SNX31: variants seen among roughly 807,000 people sequenced by gnomAD.
The protein encoded by SNX31 is sorting nexin 31.
Under a neutral mutation model 65.4 loss-of-function variants are expected in SNX31, and 58 were observed. The observed-to-expected ratio is 0.89, with a 90% CI of 0.72 to 1.10. SNX31 has a LOEUF of 1.10. Ranked by LOEUF, SNX31 falls within the 50% of genes least tolerant of loss-of-function variation. The pLI, the probability that SNX31 is intolerant of heterozygous loss-of-function variation, is 0.00. For synonymous variants in SNX31, 181 were observed against 190.1 expected (o/e 0.95, Z 0.39); for missense variants, 523 against 529.7 (o/e 0.99, Z 0.12).
intron 5 of SNX31, among the ~76,000 whole-genome samples, chr8:100,615,268 A>G (rs543713744): frequency 1.4e-4 from 22 of 152,342 alleles, no homozygotes; most frequent in African/African-American, 5.3e-4. Flanking sequence ...ATTAGTTTCA[A>G]GGGAAATGGA....
intron 2 of SNX31, among the ~76,000 whole-genome samples, chr8:100,636,432 C>T (rs1480766213): frequency 6.6e-6 from 1 of 152,172 alleles, no homozygotes; most frequent in Non-Finnish European, 1.5e-5. Context: ...AGCTGTGTCA[C>T]CTAAAGCGGT....
In SNX31 at chr8:100,649,574, C is replaced by G; in HGVS notation, c.-60G>C. 6.7e-7 allele frequency: 1 copy of G among 1,481,820 alleles called. No homozygotes were observed. The highest frequency in any genetic ancestry group is 9.2e-7 in the Non-Finnish European group (1 of 1,088,832). 91.8% of individuals were successfully genotyped at this position (1,481,820 alleles called of 1,614,324 possible). ...CCGACCTGCGGCGGCGGGCGGTGCG[C>G]GGCTCTGAACTCGGCAGCGGTGGAC... On this transcript the variant is annotated 5_prime_UTR_variant, in exon 1 of 14. Coordinates refer to ENST00000311812, the MANE Select transcript of SNX31 (RefSeq NM_152628.4).
intron 2 of SNX31, among the ~76,000 whole-genome samples, chr8:100,641,845 G>A (rs1282862182): frequency 1.4e-4 from 21 of 150,366 alleles, no homozygotes; most frequent in African/African-American, 4.9e-4. Context: ...TTGGGAGGCC[G>A]AGGCGGGCGG....
rs1339391516 is a variant in SNX31, at chr8:100,612,095, A to G, written c.524-8T>C. On this transcript the variant is annotated splice_polypyrimidine_tract_variant and splice_region_variant and intron_variant, in intron 6 of 13. Transcript: ENST00000311812. The surrounding 1 kb of genome is among the most constrained non-coding windows in gnomAD (Gnocchi z 4.3). ...CAGCCAATTTTTTCACAACTAGAGAAAGGAGAAAGCCGGTCTTACTGGTTG... is the reference window on the plus strand; with the variant it reads ...CAGCCAATTTTTTCACAACTAGAGAGAGGAGAAAGCCGGTCTTACTGGTTG... 1.2e-6 allele frequency: 2 copies of G among 1,606,604 alleles called. No individual in the cohort carries two copies. Among genetic ancestry groups the G allele is most frequent in the Non-Finnish European group, 1.7e-6 (2 of 1,173,180 alleles).
chr8:100,643,262 G>A (rs574513496), intron 2 of SNX31, among the ~76,000 whole-genome samples: 2 of 152,066 alleles, frequency 1.3e-5, no homozygotes, highest in Non-Finnish European at 2.9e-5. Context: ...CTACCCCTTC[G>A]TACAGCTCTG....
chr8:100,615,516 G>A (rs1320339113), intron 5 of SNX31, among the ~76,000 whole-genome samples: 1 of 152,188 alleles, frequency 6.6e-6, no homozygotes, highest in Non-Finnish European at 1.5e-5. Context: ...TTTGCTTAAT[G>A]ACAGGAATAC....
At chr8:100,662,161 ACTCTTCTG>A (rs1809798876) in intron 1 of SNX31, among the ~76,000 whole-genome samples, 1 of 152,028 alleles carries the variant, frequency 6.6e-6, no homozygotes, top group South Asian at 2.1e-4. Flanking sequence ...TGTAGTAGGT[ACTCTTCTG>A]CTCCTCCCTT....
chr8:100,653,553 G>A (rs954813497), upstream of SNX31, among the ~76,000 whole-genome samples: 5 of 152,196 alleles, frequency 3.3e-5, no homozygotes, highest in African/African-American at 1.2e-4. Context: ...GCCAAGAAGC[G>A]CCTCAGGCCA....
intron 1 of SNX31, chr8:100,657,755 G>A (rs941877808): frequency 2.2e-6 from 1 of 454,566 alleles, no homozygotes; most frequent in African/African-American, 2.0e-5. Flanking sequence ...AGAATGAAGT[G>A]GACTACTTGG....
At chr8:100,606,533 T>C (rs758827093) in intron 8 of SNX31, among the ~76,000 whole-genome samples, 1 of 152,220 alleles carries the variant, frequency 6.6e-6, no homozygotes, top group Non-Finnish European at 1.5e-5. Context: ...TTCCCTCTTC[T>C]ACGCCCTCTG....
rs1369896052 is a variant in SNX31 at position 100,576,487 on chromosome 8, C to T, written c.1227+532G>A. ...ACAAAACCTCTCTGTGCACTAATTT[C>T]CTCAACTTATTTATAGGGCTGTGAA... On this transcript the variant is annotated intron_variant, in intron 13 of 13. Coordinates refer to ENST00000311812, the MANE Select transcript of SNX31 (RefSeq NM_152628.4). The surrounding 1 kb of genome is among the most constrained non-coding windows in gnomAD (Gnocchi z 4.8). 1.3e-5 allele frequency among the ~76,000 whole-genome samples: 2 copies of T among 152,156 alleles called. No individual in the cohort carries two copies. Among genetic ancestry groups the T allele is most frequent in the Non-Finnish European group, 2.9e-5 (2 of 68,028 alleles).
In SNX31 at chr8:100,584,118, G is replaced by A. The variant is rs769631064; in HGVS notation, c.1163C>T (p.Thr388Ile). ...ACAGATAAGAGCACTCACCATTTCT[G>A]TATTCTCAGCAGCTAGCTTTACCAT... ...EKMVKLAAEN[T>I]EMQIEVPEQS... The change falls in exon 12 of 14, where the codon ACA becomes ATA. Residue 388 changes from threonine (T) to isoleucine (I), a missense_variant. By Grantham distance (89) the Thr-to-Ile change is moderately conservative (BLOSUM62 -1). Coordinates refer to ENST00000311812, the MANE Select transcript of SNX31 (RefSeq NM_152628.4). 1 of 1,604,128 alleles carries A rather than the reference G, an allele frequency of 6.2e-7. No individual in the cohort carries two copies. The highest frequency in any genetic ancestry group is 8.5e-7 in the Non-Finnish European group (1 of 1,176,306).
At position 100,647,984 on chromosome 8, in the gene SNX31, C is replaced by A. The variant is rs115505122; in HGVS notation, c.141+1290G>T. On this transcript the variant is annotated intron_variant, in intron 2 of 13. Transcript: ENST00000311812. ...ATCATTTGACAATCGTTCCTAAGGA[C>A]CTACTGGGTCACAGCACTAGTAATA... Among the ~76,000 whole-genome samples, 987 of 152,322 alleles carry A rather than the reference C, an allele frequency of 6.5e-3. 15 individuals carry two copies. The highest frequency in any genetic ancestry group is 0.023 in the African/African-American group (944 of 41,554).
upstream of SNX31, among the ~76,000 whole-genome samples, chr8:100,653,773 A>G (rs567181005): frequency 9.2e-5 from 14 of 152,348 alleles, no homozygotes; most frequent in East Asian, 2.3e-3. Flanking sequence ...GCCTCATACC[A>G]GAGAGCAGAG....
intron 3 of SNX31, among the ~76,000 whole-genome samples, chr8:100,635,015 C>T (rs1818661007): frequency 6.6e-6 from 1 of 151,882 alleles, no homozygotes; most frequent in African/African-American, 2.4e-5. Flanking sequence ...TAGTTAGCCA[C>T]GATTGTGCCA....
In SNX31 at chr8:100,613,140, C is replaced by G; in HGVS notation, c.433-55G>C. ...AAGTTAGGTGTGCCCACCATGCATC[C>G]TAACTGTGACATGCAGACTTGGAAA... On this transcript the variant is annotated intron_variant, in intron 5 of 13. Coordinates refer to ENST00000311812, the MANE Select transcript of SNX31 (RefSeq NM_152628.4). This position sits in a 1 kb window ranked among gnomAD's most constrained non-coding sequence, Gnocchi z 5.2. 1.5e-6 allele frequency: 2 copies of G among 1,375,324 alleles called. No homozygotes were observed. Among genetic ancestry groups the G allele is most frequent in the Non-Finnish European group, 2.1e-6 (2 of 964,256 alleles). The allele number at this position is 1,375,324 out of a possible 1,614,324, so 85.2% of individuals were successfully genotyped here. A position where few individuals can be genotyped will look rare whatever the true frequency, so the allele number is the denominator to read the frequency against.
intron 2 of SNX31, among the ~76,000 whole-genome samples, chr8:100,643,083 C>T (rs762980117): frequency 3.5e-5 from 5 of 141,880 alleles, no homozygotes; most frequent in East Asian, 2.0e-4. Flanking sequence ...CCCAGGTACC[C>T]GGGAGGCTGA....
In SNX31 at chr8:100,609,568, G is replaced by A. The variant is rs1200936111; in HGVS notation, c.612-1005C>T. 3.3e-5 allele frequency among the ~76,000 whole-genome samples: 5 copies of A among 152,196 alleles called. No individual in the cohort carries two copies. The highest frequency in any genetic ancestry group is 3.4e-3 in the Middle Eastern group (1 of 294). ...GAAGCACAGTAGCATGTTAAGAAGG[G>A]ACTGAAACTGTCAGGAAAGGGTACC... On this transcript the variant is annotated intron_variant, in intron 7 of 13. Transcript: ENST00000311812. The surrounding 1 kb of genome is among the most constrained non-coding windows in gnomAD (Gnocchi z 4.9).
chr8:100,630,239 T>G lies in SNX31; in HGVS notation c.321+88A>C. On this transcript the variant is annotated intron_variant, in intron 4 of 13. Transcript: ENST00000311812. This position sits in a 1 kb window ranked among gnomAD's most constrained non-coding sequence, Gnocchi z 5.3. ...CCAGGCTCTGTGGGGCTGTGACCAG[T>G]GCACACATGTGTGTGTACCTGCACA... 1 of 1,220,016 alleles carries G rather than the reference T, an allele frequency of 8.2e-7. No homozygotes were observed. Among genetic ancestry groups the G allele is most frequent in the African/African-American group, 1.5e-5 (1 of 66,432 alleles). The allele number at this position is 1,220,016 out of a possible 1,614,324, so 75.6% of individuals were successfully genotyped here.
Sources: allele counts gnomAD v4.1 joint callset (sites outside exome capture counted in the v4.1 genomes callset), GRCh38; gene constraint gnomAD v4.1.1; non-coding constraint Gnocchi (gnomAD v3.1); transcripts MANE v1.5; gene names NCBI Gene and HGNC (gene_info 2026-07-23, HGNC 2026-07-21).